SELENOI: variants seen among roughly 807,000 people sequenced by gnomAD.
The protein encoded by SELENOI is selenoprotein I.
SELENOI carries 24 observed loss-of-function variants against 50.7 expected under a neutral mutation model. The ratio of observed to expected loss-of-function variants is 0.47; its 90% CI spans 0.34 to 0.67. The LOEUF (loss-of-function observed/expected upper bound fraction) is 0.67. Among genes scored for constraint, SELENOI ranks in the 30% least tolerant of loss-of-function variants. SELENOI has a pLI of 0.01. For missense variants in SELENOI, 352 were observed against 461.4 expected, an observed-to-expected ratio of 0.76 and a Z score of 2.17; for synonymous variants, 155 against 170.2, an observed-to-expected ratio of 0.91 and a Z score of 0.70.
At chr2:26,385,189 C>A in intron 8 of SELENOI, 50 bp downstream of exon 8, 1 of 1,075,092 alleles carries the variant, frequency 9.3e-7, no homozygotes, top group South Asian at 3.1e-5. Flanking sequence ...GATTGTATGA[C>A]AGAATTTGAT....
In SELENOI at chr2:26,393,667, G is replaced by A. The variant is rs547729241; in HGVS notation, c.*4564G>A. ...CATTCACATGGTCTTTCTCTCCAGAGAATCATTCTTAGAAAGCCAGGCTAA... is the reference window on the plus strand; with the variant it reads ...CATTCACATGGTCTTTCTCTCCAGAAAATCATTCTTAGAAAGCCAGGCTAA... On this transcript the variant is annotated 3_prime_UTR_variant, in exon 10 of 10. Transcript: ENST00000260585. The A allele has an allele frequency of 1.3e-5, 2 of 152,358 alleles. No homozygotes were observed. The highest frequency in any genetic ancestry group is 1.3e-4 in the Admixed American group (2 of 15,302). 9.4% of individuals were successfully genotyped at this position (152,358 alleles called of 1,614,324 possible).
At chr2:26,373,798 TAGTAA>T (rs1196802881) in intron 5 of SELENOI, among the ~76,000 whole-genome samples, 169 bp downstream of exon 5, 3 of 152,216 alleles carry the variant, frequency 2.0e-5, no homozygotes, top group Non-Finnish European at 4.4e-5. Context: ...GTATAGTGAA[TAGTAA>T]AGTAGAGAGA....
intron 6 of SELENOI, among the ~76,000 whole-genome samples, chr2:26,375,643 T>C (rs779054151): frequency 1.3e-5 from 2 of 152,170 alleles, no homozygotes; most frequent in Non-Finnish European, 2.9e-5. Context: ...TGATTTTAGC[T>C]GAAGGGGATA....
intron 6 of SELENOI, among the ~76,000 whole-genome samples, chr2:26,375,933 C>G (rs1677558037): frequency 6.6e-6 from 1 of 151,658 alleles, no homozygotes; most frequent in Non-Finnish European, 1.5e-5. Context: ...ATAGTGAAAC[C>G]CTGTCTCTAG....
chr2:26,348,984 G>GT (rs1297440207), intron 1 of SELENOI, among the ~76,000 whole-genome samples: 8 of 82,266 alleles, frequency 9.7e-5, no homozygotes, highest in Non-Finnish European at 1.8e-4. Flanking sequence ...CCCATCCTTT[G>GT]TTTTGGACAG....
intron 1 of SELENOI, among the ~76,000 whole-genome samples, chr2:26,352,817 A>G (rs1201322138): frequency 3.3e-5 from 5 of 151,260 alleles, no homozygotes; most frequent in Admixed American, 6.6e-5. Flanking sequence ...TCTTTCTCAT[A>G]AAAGTCCAGA....
Position 26,383,334 on chromosome 2 carries a change from T to C in SELENOI, c.718T>C (p.Leu240=). 1 of 1,539,886 alleles carries C rather than the reference T, an allele frequency of 6.5e-7. No homozygotes were observed. The highest frequency in any genetic ancestry group is 8.8e-7 in the Non-Finnish European group (1 of 1,134,646). ...ALCVTLPMSL[L]NFFRSYKNNT... ...ATGTGTGACTCTTCCAATGAGTTTA[T>C]TAAACTTTTTCAGGTAAGTATTTTA... The change falls in exon 7 of 10, where the codon TTA becomes CTA. Residue 240 remains leucine (L), a synonymous_variant. Transcript: ENST00000260585.
chr2:26,364,166 C>T, intron 1 of SELENOI, 136 bp from the exon 2 acceptor site: 1 of 607,992 alleles, frequency 1.6e-6, no homozygotes, highest in Non-Finnish European at 2.8e-6. Flanking sequence ...ATCCTCAGGC[C>T]TCAGCCTTTT....
intron 1 of SELENOI, among the ~76,000 whole-genome samples, chr2:26,347,385 G>A (rs1412401462): frequency 2.6e-5 from 4 of 151,480 alleles, no homozygotes; most frequent in Admixed American, 2.6e-4. Flanking sequence ...AGCATTTGTG[G>A]AATGAATGAA....
rs925928659 is a variant in SELENOI at position 26,385,223 on chromosome 2, G to C, written c.912+84G>C. 10 of 811,390 alleles carry C rather than the reference G, an allele frequency of 1.2e-5. No individual in the cohort carries two copies. The African/African-American group carries it at 1.8e-4, about 14-fold the overall frequency. 50.3% of individuals were successfully genotyped at this position (811,390 alleles called of 1,614,324 possible). ...ATAATTTGAAAAATCTTTAATATTA[G>C]AATAAACAGATTTTAACTTAAAGAT... On this transcript the variant is annotated intron_variant, in intron 8 of 9. Coordinates refer to ENST00000260585, the MANE Select transcript of SELENOI (RefSeq NM_033505.4).
Position 26,373,371 on chromosome 2 carries a change from T to C in SELENOI, c.315T>C (p.Gly105=), listed in dbSNP as rs1386274570. 6.2e-7 allele frequency: 1 copy of C among 1,608,046 alleles called. No homozygotes were observed. The highest frequency in any genetic ancestry group is 1.7e-5 in the Admixed American group (1 of 59,138). Reference sequence around the variant, plus strand: ...TGTGGTTTGTTTTTGTTGCAGATGGTGTGGACGGAAAGCAAGCTCGCAGAA... The same window carrying C: ...TGTGGTTTGTTTTTGTTGCAGATGGCGTGGACGGAAAGCAAGCTCGCAGAA... ...ILNFVAYTLD[G]VDGKQARRTN... Residue 105 remains glycine (G), a synonymous_variant, in exon 5 of 10, where the codon GGT becomes GGC. Transcript: ENST00000260585.
At chr2:26,348,631 G>A (rs72852723) in intron 1 of SELENOI, among the ~76,000 whole-genome samples, 177 of 151,752 alleles carry the variant, frequency 1.2e-3, no homozygotes, top group African/African-American at 4.1e-3. Context: ...TTGACTATTA[G>A]TTGAATGTCT....
intron 1 of SELENOI, among the ~76,000 whole-genome samples, chr2:26,362,194 C>T (rs566917886): frequency 2.6e-5 from 4 of 151,924 alleles, no homozygotes; most frequent in Admixed American, 6.5e-5. Context: ...CTCAGCCTCC[C>T]GAGTAGCTAG....
chr2:26,379,934 A>T (rs1677649772), intron 6 of SELENOI, among the ~76,000 whole-genome samples: 1 of 152,170 alleles, frequency 6.6e-6, no homozygotes, highest in Non-Finnish European at 1.5e-5. Flanking sequence ...ACAGTACCTA[A>T]ATCAGCAAAC....
At position 26,385,097 on chromosome 2, in the gene SELENOI, A is replaced by C. The variant is rs1365138410; in HGVS notation, c.870A>C (p.Arg290Ser). 1 of 1,607,300 alleles carries C rather than the reference A, an allele frequency of 6.2e-7. No homozygotes were observed. The highest frequency in any genetic ancestry group is 8.5e-7 in the Non-Finnish European group (1 of 1,176,964). ...SPSDILELHP[R>S]VFYFMVGTAF... ...CAGATATTTTAGAGCTACATCCTAG[A>C]GTATTCTACTTTATGGTTGGAACAG... Residue 290 changes from arginine to serine, a missense_variant, in exon 8 of 10, where the codon AGA becomes AGC. Transcript: ENST00000260585.
rs1677245011 is a variant in SELENOI at position 26,364,377 on chromosome 2, T to A, written c.126+7T>A. On this transcript the variant is annotated splice_region_variant and intron_variant, in intron 2 of 9. Transcript: ENST00000260585. ...CTGGAACACTATAGTAAAGGTAAGA[T>A]AATTAATATGTATGTACTTTTTGTT... The A allele has an allele frequency of 6.6e-7, 1 of 1,518,624 alleles. No homozygotes were observed. The highest frequency in any genetic ancestry group is 2.0e-5 in the Admixed American group (1 of 51,118). 94.1% of individuals were successfully genotyped at this position (1,518,624 alleles called of 1,614,324 possible).
chr2:26,346,224 C>G lies in SELENOI; in HGVS notation c.-9C>G, dbSNP rs1263167481. The G allele has an allele frequency of 6.2e-7, 1 of 1,613,676 alleles. No individual in the cohort carries two copies. The highest frequency in any genetic ancestry group is 1.3e-5 in the African/African-American group (1 of 75,052). ...CGCTGCCGAGTGGGCGCTCAGTTTT[C>G]GGGTCGTCATGGCTGGCTACGAATA... is the stretch of plus-strand genomic sequence containing the variant. On this transcript the variant is annotated 5_prime_UTR_variant, in exon 1 of 10. Transcript: ENST00000260585.
In SELENOI at chr2:26,364,348, C is replaced by T; in HGVS notation, c.104C>T (p.Pro35Leu). 6.4e-7 allele frequency: 1 copy of T among 1,557,840 alleles called. No homozygotes were observed. The highest frequency in any genetic ancestry group is 8.7e-7 in the Non-Finnish European group (1 of 1,147,338). ...CCACTTTCTCTGTATGTCATGCATC[C>T]ATTCTGGAACACTATAGTAAAGGTA... ...TNPLSLYVMH[P>L]FWNTIVKVFP... The change falls in exon 2 of 10, where the codon CCA (proline) becomes CTA (leucine). Residue 35 changes from proline to leucine, a missense_variant. Pro to Leu is a moderately conservative substitution (Grantham distance 98). Transcript: ENST00000260585.
chr2:26,393,234 T>C lies in SELENOI; in HGVS notation c.*4131T>C, dbSNP rs1678010554. The C allele has an allele frequency of 1.3e-5, 2 of 152,810 alleles. No homozygotes were observed. The highest frequency in any genetic ancestry group is 6.5e-5 in the Admixed American group (1 of 15,304). The allele number at this position is 152,810 out of a possible 1,614,324, so 9.5% of individuals were successfully genotyped here. On this transcript the variant is annotated 3_prime_UTR_variant, in exon 10 of 10. Coordinates refer to ENST00000260585, the MANE Select transcript of SELENOI (RefSeq NM_033505.4). ...CCAGAGAAAGTGGTGATATGCTTCT[T>C]CCTTGCATGGAGCTGTGGGAATTGG...
Sources: allele counts gnomAD v4.1 joint callset (sites outside exome capture counted in the v4.1 genomes callset), GRCh38; gene constraint gnomAD v4.1.1; transcripts MANE v1.5; gene names NCBI Gene and HGNC (gene_info 2026-07-23, HGNC 2026-07-21).